NXPH2: variants seen among roughly 807,000 people sequenced by gnomAD.
NXPH2 encodes neurexophilin 2.
Under a neutral mutation model 19.8 loss-of-function variants are expected in NXPH2, and 5 were observed. The ratio of observed to expected loss-of-function variants is 0.25; its 90% CI spans 0.13 to 0.53. The LOEUF (loss-of-function observed/expected upper bound fraction) is 0.53, where lower values mean the gene tolerates loss of function less well. Among genes scored for constraint, NXPH2 ranks in the 20% least tolerant of loss-of-function variants. NXPH2 has a pLI of 0.96. For missense variants in NXPH2, 289 were observed against 322.8 expected, an observed-to-expected ratio of 0.90 and a Z score of 0.80; for synonymous variants, 154 against 127.4, an observed-to-expected ratio of 1.21 and a Z score of -1.41.
At chr2:138,712,064 A>C (rs1390493195) in intron 1 of NXPH2, among the ~76,000 whole-genome samples, 2 of 152,220 alleles carry the variant, frequency 1.3e-5, no homozygotes, top group African/African-American at 4.8e-5. Flanking sequence ...TAGTAGGCTG[A>C]GGCACTTAAC....
intron 1 of NXPH2, among the ~76,000 whole-genome samples, chr2:138,687,736 A>C (rs376836044): frequency 1.3e-5 from 2 of 152,148 alleles, no homozygotes; most frequent in African/African-American, 2.4e-5. Context: ...GGAAGGGATC[A>C]AGTTTCAGCT....
At chr2:138,707,784 C>A (rs1464704846) in intron 1 of NXPH2, among the ~76,000 whole-genome samples, 1 of 152,096 alleles carries the variant, frequency 6.6e-6, no homozygotes, top group Non-Finnish European at 1.5e-5. Context: ...TTAAAATTAT[C>A]CCTTGTAACT....
intron 1 of NXPH2, among the ~76,000 whole-genome samples, chr2:138,745,699 G>T (rs1387310810): frequency 1.3e-5 from 2 of 152,072 alleles, no homozygotes; most frequent in African/African-American, 4.8e-5. Flanking sequence ...TTTTAAAATG[G>T]AAAAATCTTG....
chr2:138,772,338 C>T (rs1231905037), intron 1 of NXPH2, among the ~76,000 whole-genome samples: 1 of 152,018 alleles, frequency 6.6e-6, no homozygotes, highest in African/African-American at 2.4e-5. Context: ...CTCTTATTGC[C>T]CAAGCTGGAG....
chr2:138,779,988 G>A (rs1254743950), intron 1 of NXPH2, among the ~76,000 whole-genome samples: 1 of 152,130 alleles, frequency 6.6e-6, no homozygotes, highest in African/African-American at 2.4e-5. Flanking sequence ...CTAAGCCCCT[G>A]AGTCGCCTGT....
chr2:138,725,236 A>G (rs1205297162), intron 1 of NXPH2, among the ~76,000 whole-genome samples: 1 of 152,230 alleles, frequency 6.6e-6, no homozygotes, highest in African/African-American at 2.4e-5. Context: ...AATTCATTAC[A>G]AATATTTACA....
At chr2:138,673,976 T>C (rs1680449961) in intron 1 of NXPH2, among the ~76,000 whole-genome samples, 1 of 151,940 alleles carries the variant, frequency 6.6e-6, no homozygotes, top group Non-Finnish European at 1.5e-5. Flanking sequence ...GACTTCCAGT[T>C]CCTTGAATAC....
intron 1 of NXPH2, among the ~76,000 whole-genome samples, chr2:138,684,018 C>T (rs774161935): frequency 2.2e-4 from 33 of 152,204 alleles, no homozygotes; most frequent in African/African-American, 7.0e-4. Context: ...AATATAAATG[C>T]CTATTACTTG....
chr2:138,712,351 C>T (rs150212597), intron 1 of NXPH2, among the ~76,000 whole-genome samples: 258 of 152,294 alleles, frequency 1.7e-3, no homozygotes, highest in African/African-American at 6.0e-3. Context: ...TGAGTCAAAA[C>T]AGGAATTTCT....
rs529307867 is a variant in NXPH2, at chr2:138,718,069, G to A, written c.52-46404C>T. Among the ~76,000 whole-genome samples, 24 of 152,090 alleles carry A rather than the reference G, an allele frequency of 1.6e-4. 1 individual carries two copies. In the South Asian group the frequency reaches 1.7e-3, roughly 11 times the overall value. On this transcript the variant is annotated intron_variant, in intron 1 of 1. Transcript: ENST00000272641. ...AATGGGTTCAGGAAGTTAAGTAGCT[G>A]ACTAAAAAAAGTTCTAAGAGATGAG... is the stretch of plus-strand genomic sequence containing the variant.
intron 1 of NXPH2, among the ~76,000 whole-genome samples, chr2:138,772,726 C>T (rs1162436433): frequency 6.6e-6 from 1 of 152,190 alleles, no homozygotes; most frequent in Admixed American, 6.5e-5. Flanking sequence ...TCAGTGGTCA[C>T]TGAGCAGAGT....
At chr2:138,692,654 G>T (rs943616597) in intron 1 of NXPH2, among the ~76,000 whole-genome samples, 1 of 152,126 alleles carries the variant, frequency 6.6e-6, no homozygotes, top group African/African-American at 2.4e-5. Flanking sequence ...TTCACAACAG[G>T]CCTCATTCTT....
chr2:138,771,810 A>G (rs1318007985), intron 1 of NXPH2, among the ~76,000 whole-genome samples: 2 of 152,210 alleles, frequency 1.3e-5, no homozygotes, highest in African/African-American at 4.8e-5. Context: ...AGCTTTCCAG[A>G]GGAAGTGAAT....
At chr2:138,682,755 G>A (rs1680596952) in intron 1 of NXPH2, among the ~76,000 whole-genome samples, 1 of 152,208 alleles carries the variant, frequency 6.6e-6, no homozygotes, top group African/African-American at 2.4e-5. Context: ...AGATTGCAAT[G>A]CTTGGCAGTA....
intron 1 of NXPH2, among the ~76,000 whole-genome samples, chr2:138,715,308 T>A (rs1369697240): frequency 6.6e-6 from 1 of 152,210 alleles, no homozygotes; most frequent in Non-Finnish European, 1.5e-5. Flanking sequence ...ATACAACTAT[T>A]TAGTCCAGTT....
intron 1 of NXPH2, among the ~76,000 whole-genome samples, chr2:138,759,815 C>T (rs1386468333): frequency 2.0e-5 from 3 of 151,254 alleles, no homozygotes; most frequent in Middle Eastern, 3.2e-3. Context: ...CTGCAACCTC[C>T]GCCTCCCAGG....
chr2:138,762,159 T>C (rs183620549), intron 1 of NXPH2, among the ~76,000 whole-genome samples: 35 of 152,294 alleles, frequency 2.3e-4, no homozygotes, highest in African/African-American at 7.7e-4. Context: ...GTCCCTGATA[T>C]ATCTGGAGAT....
chr2:138,746,301 A>G (rs1255736705), intron 1 of NXPH2, among the ~76,000 whole-genome samples: 8 of 152,230 alleles, frequency 5.3e-5, no homozygotes, highest in African/African-American at 1.9e-4. Context: ...GACCTCAAGA[A>G]AGGACAAGCT....
At chr2:138,766,440 T>C (rs991696843) in intron 1 of NXPH2, among the ~76,000 whole-genome samples, 2 of 152,146 alleles carry the variant, frequency 1.3e-5, no homozygotes, top group African/African-American at 2.4e-5. Flanking sequence ...GGAGACTTTT[T>C]TTGGTTGTAC....
Sources: allele counts gnomAD v4.1 joint callset (sites outside exome capture counted in the v4.1 genomes callset), GRCh38; gene constraint gnomAD v4.1.1; transcripts MANE v1.5; gene names NCBI Gene and HGNC (gene_info 2026-07-23, HGNC 2026-07-21).